The following CSNK2A2IP variants were observed in gnomAD, a reference collection of about 807,000 sequenced individuals.
CSNK2A2IP encodes casein kinase 2 subunit alpha' interacting protein, also known as casein kinase II subunit alpha'-interacting protein.
the CSNK2A2IP span, among the ~76,000 whole-genome samples, chr3:88,386,510 G>A: frequency 2.0e-5 from 3 of 152,306 alleles, no homozygotes; most frequent in East Asian, 5.8e-4. Flanking sequence ...AGGAAAGTAT[G>A]CCAGAGAGAC....
chr3:88,444,004 C>T, the CSNK2A2IP span, among the ~76,000 whole-genome samples: 7 of 151,588 alleles, frequency 4.6e-5, no homozygotes, highest in Admixed American at 2.6e-4. Flanking sequence ...TTTTTAGAAA[C>T]AACATATGGC....
At chr3:88,384,579 G>A in the CSNK2A2IP span, among the ~76,000 whole-genome samples, 1 of 152,110 alleles carries the variant, frequency 6.6e-6, no homozygotes. Context: ...CCTGGTAGGA[G>A]CCATTTTTCC....
chr3:88,369,573 G>A, the CSNK2A2IP span, among the ~76,000 whole-genome samples: 26 of 151,738 alleles, frequency 1.7e-4, no homozygotes, highest in African/African-American at 6.3e-4. Flanking sequence ...AATACCTAAG[G>A]GAAAATTCTA....
the CSNK2A2IP span, among the ~76,000 whole-genome samples, chr3:88,426,556 A>G: frequency 6.6e-6 from 1 of 152,104 alleles, no homozygotes; most frequent in African/African-American, 2.4e-5. Flanking sequence ...TAATCCCCAC[A>G]TGTTGTAGGA....
the CSNK2A2IP span, among the ~76,000 whole-genome samples, chr3:88,426,740 G>A: frequency 5.9e-5 from 9 of 152,034 alleles, no homozygotes; most frequent in South Asian, 2.1e-4. Context: ...CTTTGCCTTC[G>A]CCATGATTGT....
chr3:88,418,541 C>T, the CSNK2A2IP span, among the ~76,000 whole-genome samples: 4 of 152,006 alleles, frequency 2.6e-5, no homozygotes, highest in East Asian at 7.7e-4. Flanking sequence ...GGCATAAAAT[C>T]ATATTTTACT....
At chr3:88,396,426 A>T in the CSNK2A2IP span, among the ~76,000 whole-genome samples, 803 of 152,250 alleles carry the variant, frequency 5.3e-3, 8 homozygotes, top group African/African-American at 0.018. Context: ...TCTTTAAGGG[A>T]TATAATCAAG....
chr3:88,443,188 G>T, the CSNK2A2IP span, among the ~76,000 whole-genome samples: 1 of 152,062 alleles, frequency 6.6e-6, no homozygotes, highest in South Asian at 2.1e-4. Flanking sequence ...TATGAGTTAA[G>T]AATATTCTAG....
chr3:88,391,248 A>T, the CSNK2A2IP span, among the ~76,000 whole-genome samples: 1 of 152,180 alleles, frequency 6.6e-6, no homozygotes, highest in East Asian at 1.9e-4. Flanking sequence ...AGCTTTTGCC[A>T]TTCTTGAGGA....
chr3:88,414,439 C>A, the CSNK2A2IP span, among the ~76,000 whole-genome samples: 1 of 151,340 alleles, frequency 6.6e-6, no homozygotes, highest in East Asian at 1.9e-4. Flanking sequence ...TGCCCCAACA[C>A]GCCCAGCTAA....
the CSNK2A2IP span, among the ~76,000 whole-genome samples, chr3:88,449,767 G>A: frequency 3.0e-3 from 371 of 125,682 alleles, 6 homozygotes; most frequent in African/African-American, 0.01. Flanking sequence ...TTCTCTTCAC[G>A]ATTGTGAAGA....
At chr3:88,411,064 A>C in the CSNK2A2IP span, among the ~76,000 whole-genome samples, 1 of 151,956 alleles carries the variant, frequency 6.6e-6, no homozygotes, top group Non-Finnish European at 1.5e-5. Context: ...TTTCCTTATA[A>C]ATACAGTTGA....
At chr3:88,396,816 T>C in the CSNK2A2IP span, among the ~76,000 whole-genome samples, 2 of 152,128 alleles carry the variant, frequency 1.3e-5, no homozygotes, top group South Asian at 4.2e-4. Flanking sequence ...AGTAAAGCCA[T>C]AGTTGAATTA....
At chr3:88,435,287 A>T in the CSNK2A2IP span, among the ~76,000 whole-genome samples, 4 of 152,132 alleles carry the variant, frequency 2.6e-5, no homozygotes, top group Non-Finnish European at 5.9e-5. Context: ...TGTTTTCATC[A>T]TCTCAGCACT....
At chr3:88,460,225 T>C in the CSNK2A2IP span, among the ~76,000 whole-genome samples, 1 of 152,192 alleles carries the variant, frequency 6.6e-6, no homozygotes, top group Non-Finnish European at 1.5e-5. Flanking sequence ...TCCCATTTTT[T>C]AGTTATCTGT....
the CSNK2A2IP span, among the ~76,000 whole-genome samples, chr3:88,341,388 T>C: frequency 2.6e-5 from 4 of 151,888 alleles, no homozygotes; most frequent in Middle Eastern, 3.4e-3. Flanking sequence ...GAATTAACCT[T>C]AGCATCCTAG....
the CSNK2A2IP span, among the ~76,000 whole-genome samples, chr3:88,360,647 A>G: frequency 0.44 from 66,607 of 151,934 alleles, 15,856 homozygotes; most frequent in South Asian, 0.62. Flanking sequence ...GAAAACTTTC[A>G]ATGGAATAAT....
the CSNK2A2IP span, among the ~76,000 whole-genome samples, chr3:88,384,556 G>C: frequency 5.9e-4 from 90 of 152,140 alleles, 1 homozygote; most frequent in African/African-American, 2.0e-3. Flanking sequence ...GGTGCATTAC[G>C]GTATGAAAAG....
chr3:88,349,819 A>G, the CSNK2A2IP span, among the ~76,000 whole-genome samples: 1 of 151,984 alleles, frequency 6.6e-6, no homozygotes, highest in Non-Finnish European at 1.5e-5. Flanking sequence ...TGTGTGTTTT[A>G]AATTATAGCC....
Sources: allele counts gnomAD v4.1 joint callset (sites outside exome capture counted in the v4.1 genomes callset), GRCh38; gene constraint gnomAD v4.1.1; transcripts MANE v1.5; gene names NCBI Gene and HGNC (gene_info 2026-07-23, HGNC 2026-07-21).